Variants in RAD50 observed in about 807,000 individuals in gnomAD.
The protein encoded by RAD50 is RAD50 double strand break repair protein.
RAD50 carries 132 observed loss-of-function variants against 168.8 expected under a neutral mutation model. That is an observed-to-expected ratio of 0.78 (90% confidence interval 0.68 to 0.90). The LOEUF (loss-of-function observed/expected upper bound fraction) is 0.90. Ranked by LOEUF, RAD50 falls within the 40% of genes least tolerant of loss-of-function variation. The pLI is 0.00. For synonymous variants in RAD50, 525 were observed against 497.4 expected (o/e 1.06, Z -0.74); for missense variants, 1,347 against 1,534.4 (o/e 0.88, Z 2.04).
chr5:132,581,783 CTA>C (rs1270158871), intron 5 of RAD50, among the ~76,000 whole-genome samples: 3 of 152,104 alleles, frequency 2.0e-5, no homozygotes, highest in Non-Finnish European at 4.4e-5. Context: ...GAGTGGAAGA[CTA>C]TGTTATATTT....
intron 21 of RAD50, among the ~76,000 whole-genome samples, chr5:132,622,896 T>G (rs1462152084): frequency 6.6e-6 from 1 of 152,202 alleles, no homozygotes; most frequent in Middle Eastern, 3.2e-3. Context: ...GAGAAAACAT[T>G]GGCCTGCATG....
chr5:132,606,986 A>G (rs897573129), intron 16 of RAD50, among the ~76,000 whole-genome samples: 3 of 152,234 alleles, frequency 2.0e-5, no homozygotes, highest in Admixed American at 6.5e-5. Flanking sequence ...AATACGAGCT[A>G]TTTATGACAG....
rs1751756219 is a variant in RAD50 at position 132,642,695 on chromosome 5, A to G, written c.*331A>G. 3 of 421,844 alleles carry G rather than the reference A, an allele frequency of 7.1e-6. No individual in the cohort carries two copies. In the South Asian group the frequency reaches 8.0e-5, roughly 11 times the overall value. The allele number at this position is 421,844 out of a possible 1,614,324, so 26.1% of individuals were successfully genotyped here. ...TCTTCTCAAAGCACTGTTGAGAAGG[A>G]GATAATTACTGCCTTGAAAATTTAT... On this transcript the variant is annotated 3_prime_UTR_variant, in exon 25 of 25. Coordinates refer to ENST00000378823, the MANE Select transcript of RAD50 (RefSeq NM_005732.4).
chr5:132,619,885 T>TAG (rs1156724146), intron 21 of RAD50, among the ~76,000 whole-genome samples: 1,283 of 121,160 alleles, frequency 0.011, 28 homozygotes, highest in African/African-American at 0.034. Flanking sequence ...TATATATATA[T>TAG]AGAGAGAGAG....
chr5:132,557,293 G>C lies in RAD50; in HGVS notation c.-32G>C, dbSNP rs2149830019. ...CTCAGTTAAGCCTTTGTGGGCTCCA[G>C]GTCCCTGGTGAGATTAGAAACGTTT... On this transcript the variant is annotated 5_prime_UTR_variant, in exon 1 of 25. Transcript: ENST00000378823. 1.2e-6 allele frequency: 2 copies of C among 1,613,182 alleles called. No homozygotes were observed. The highest frequency in any genetic ancestry group is 8.5e-7 in the Non-Finnish European group (1 of 1,179,064).
At chr5:132,572,089 A>G (rs1277274593) in intron 2 of RAD50, among the ~76,000 whole-genome samples, 1 of 152,228 alleles carries the variant, frequency 6.6e-6, no homozygotes, top group Non-Finnish European at 1.5e-5. Flanking sequence ...GAAAAAAACA[A>G]TCAGTATAAT....
intron 19 of RAD50, among the ~76,000 whole-genome samples, chr5:132,609,810 A>G (rs1316175715): frequency 2.0e-5 from 3 of 152,126 alleles, no homozygotes; most frequent in African/African-American, 4.8e-5. Flanking sequence ...GTAAAGAAAA[A>G]TAATTCCAAT....
rs184487041 is a variant in RAD50, at chr5:132,566,539, C to T, written c.213+7172C>T. Among the ~76,000 whole-genome samples the T allele has an allele frequency of 1.7e-3, 261 of 152,252 alleles. 2 individuals are homozygous for T. The highest frequency in any genetic ancestry group is 6.2e-3 in the African/African-American group (256 of 41,530). On this transcript the variant is annotated intron_variant, in intron 2 of 24. Transcript: ENST00000378823. ...TGAGTAGCCAGTTCAGCGACTTCTT[C>T]CTCTTTACCTCCATCCTCAACCCTT...
chr5:132,602,664 C>A (rs914504041), intron 13 of RAD50, among the ~76,000 whole-genome samples: 1 of 152,120 alleles, frequency 6.6e-6, no homozygotes, highest in Non-Finnish European at 1.5e-5. Context: ...CTGATGTTAA[C>A]AATTTATGTA....
intron 13 of RAD50, chr5:132,600,079 AC>A (rs1750861352): frequency 1.3e-5 from 2 of 152,210 alleles, no homozygotes; most frequent in Non-Finnish European, 2.9e-5. Flanking sequence ...CCTTGATGCC[AC>A]CACTATCATG....
At chr5:132,626,030 T>C (rs1751367102) in intron 21 of RAD50, among the ~76,000 whole-genome samples, 1 of 152,022 alleles carries the variant, frequency 6.6e-6, no homozygotes, top group South Asian at 2.1e-4. Context: ...CCACCACACC[T>C]GGCTAATTTT....
chr5:132,621,860 T>C (rs765178961), intron 21 of RAD50, among the ~76,000 whole-genome samples: 2 of 152,194 alleles, frequency 1.3e-5, no homozygotes, highest in Non-Finnish European at 2.9e-5. Flanking sequence ...TCATAAATTA[T>C]GCTTTTTGAT....
intron 21 of RAD50, among the ~76,000 whole-genome samples, chr5:132,629,449 TGGAGA>T (rs1751425539): frequency 6.6e-6 from 1 of 151,834 alleles, no homozygotes; most frequent in Non-Finnish European, 1.5e-5. Context: ...CCTGGCGGGG[TGGAGA>T]GGTACAGGAG....
intron 16 of RAD50, among the ~76,000 whole-genome samples, chr5:132,608,203 T>C (rs1751017829): frequency 6.6e-6 from 1 of 152,230 alleles, no homozygotes; most frequent in East Asian, 1.9e-4. Context: ...TATTCTTTGA[T>C]CATGCAGCAG....
chr5:132,602,265 T>G (rs1265326048), intron 13 of RAD50, among the ~76,000 whole-genome samples: 2 of 152,214 alleles, frequency 1.3e-5, no homozygotes, highest in East Asian at 3.8e-4. Flanking sequence ...ATTCTTTAAG[T>G]TTATAATAAG....
At chr5:132,579,623 C>A in intron 4 of RAD50, 121 bp downstream of exon 4, 2 of 1,011,962 alleles carry the variant, frequency 2.0e-6, no homozygotes, top group Non-Finnish European at 3.0e-6. Context: ...TACTACCTCT[C>A]ATCCAGCAGC....
At chr5:132,595,414 G>GAATATCGGAATTTTA in intron 12 of RAD50, 159 bp from the exon 13 acceptor site, 1 of 499,420 alleles carries the variant, frequency 2.0e-6, no homozygotes, top group Non-Finnish European at 3.3e-6. Flanking sequence ...CTTTGGAAGC[G>GAATATCGGAATTTTA]AATATCGGAA....
At chr5:132,640,843 T>C (rs756740353) in intron 24 of RAD50, 38 bp downstream of exon 24, 143 of 1,613,342 alleles carry the variant, frequency 8.9e-5, no homozygotes, top group Middle Eastern at 6.6e-4. Context: ...TGAGTAAGTA[T>C]CTCACATTTG....
At chr5:132,590,331 G>C (rs1489934976) in intron 9 of RAD50, among the ~76,000 whole-genome samples, 1 of 152,106 alleles carries the variant, frequency 6.6e-6, no homozygotes, top group South Asian at 2.1e-4. Flanking sequence ...TTAGCTGGGC[G>C]TGGTGGCGTG....
Sources: gnomAD v4.1 joint callset for allele counts (sites outside exome capture counted in the v4.1 genomes callset) on GRCh38, gnomAD v4.1.1 for gene constraint, MANE v1.5 for transcripts, NCBI Gene and HGNC (gene_info 2026-07-23, HGNC 2026-07-21) for gene names.